WDR7: variants seen among roughly 807,000 people sequenced by gnomAD.
WDR7 encodes WD repeat domain 7.
WDR7 carries 46 observed loss-of-function variants against 169.4 expected under a neutral mutation model. That is an observed-to-expected ratio of 0.27 (90% CI 0.21 to 0.35). The LOEUF (loss-of-function observed/expected upper bound fraction) is 0.35, where lower values mean the gene tolerates loss of function less well. Ranked by LOEUF, WDR7 falls within the 10% of genes least tolerant of loss-of-function variation. The probability of loss-of-function intolerance (pLI) is 1.00; values close to 1 mark genes in which losing one functional copy is unlikely to be tolerated. For missense variants in WDR7, 1,534 were observed against 1,859.3 expected, an observed-to-expected ratio of 0.83 and a Z score of 3.22; for synonymous variants, 612 against 666.8, an observed-to-expected ratio of 0.92 and a Z score of 1.27.
intron 14 of WDR7, among the ~76,000 whole-genome samples, chr18:56,752,723 T>A (rs1390885852): frequency 6.6e-6 from 1 of 152,200 alleles, no homozygotes; most frequent in African/African-American, 2.4e-5. Context: ...TGCTTAACTG[T>A]AGTATAGAAA....
intron 26 of WDR7, among the ~76,000 whole-genome samples, chr18:56,994,215 G>A (rs2047862226): frequency 6.6e-6 from 1 of 151,612 alleles, no homozygotes; most frequent in Admixed American, 6.6e-5. Context: ...GTAGAGATGG[G>A]GTTTCTCCAT....
chr18:56,982,967 T>G (rs761179988), intron 26 of WDR7, among the ~76,000 whole-genome samples: 3 of 152,184 alleles, frequency 2.0e-5, no homozygotes, highest in Non-Finnish European at 4.4e-5. Context: ...AATAGGCAAA[T>G]CAACCAGCTG....
In WDR7 at chr18:56,731,591, T is replaced by C. The variant is rs749150553; in HGVS notation, c.1983T>C (p.Ser661=). The change falls in exon 14 of 28, where the codon TCT becomes TCC. Residue 661 remains serine (S), a synonymous_variant. Transcript: ENST00000254442. ...CTAACCTCTTGGCTTCTGAGGCATC[T>C]GACAAGGTAAGTTTTATATGTGGGC... is the stretch of plus-strand genomic sequence containing the variant. The part of the protein sequence containing the change: ...LATNLLASEA[S]DKGNLPKYSH... 3 of 1,613,770 alleles carry C rather than the reference T, an allele frequency of 1.9e-6. No individual in the cohort carries two copies. In the Admixed American group the frequency reaches 5.0e-5, roughly 27 times the overall value.
chr18:56,678,129 T>C (rs571089741), intron 2 of WDR7, among the ~76,000 whole-genome samples: 41 of 152,348 alleles, frequency 2.7e-4, no homozygotes, highest in African/African-American at 9.6e-4. Context: ...TATTTCAGTC[T>C]CTTAAATTTG....
intron 26 of WDR7, among the ~76,000 whole-genome samples, chr18:56,964,344 C>A (rs1443666599): frequency 6.6e-6 from 1 of 151,516 alleles, no homozygotes; most frequent in Non-Finnish European, 1.5e-5. Context: ...TTATGTATAT[C>A]ATTTTAGTAT....
chr18:56,855,574 C>A lies in WDR7; in HGVS notation c.3305-24370C>A, dbSNP rs758272809. ...TGTGTATGGTGTAGAATTCCAATTTCATTTTGATTCATATAAATAAACATT... is the reference window on the plus strand; with the variant it reads ...TGTGTATGGTGTAGAATTCCAATTTAATTTTGATTCATATAAATAAACATT... On this transcript the variant is annotated intron_variant, in intron 20 of 27. Coordinates refer to ENST00000254442, the MANE Select transcript of WDR7 (RefSeq NM_015285.3). Among the ~76,000 whole-genome samples the A allele has an allele frequency of 5.3e-4, 80 of 152,228 alleles. No individual in the cohort carries two copies. In the Middle Eastern group the frequency reaches 0.01, roughly 19 times the overall value.
intron 14 of WDR7, among the ~76,000 whole-genome samples, chr18:56,752,725 G>A (rs1448715389): frequency 6.6e-6 from 1 of 152,138 alleles, no homozygotes; most frequent in Non-Finnish European, 1.5e-5. Context: ...CTTAACTGTA[G>A]TATAGAAATA....
chr18:56,825,508 A>G (rs2045185603), intron 20 of WDR7, among the ~76,000 whole-genome samples: 1 of 152,218 alleles, frequency 6.6e-6, no homozygotes, highest in Non-Finnish European at 1.5e-5. Flanking sequence ...GGAGAAGAAA[A>G]TGAGGCACAG....
chr18:56,958,562 A>G (rs1049947660), intron 25 of WDR7, among the ~76,000 whole-genome samples: 4 of 152,164 alleles, frequency 2.6e-5, no homozygotes, highest in African/African-American at 7.2e-5. Flanking sequence ...AGCTCATGCA[A>G]TCTTTTCTAA....
rs546678344 is a variant in WDR7, at chr18:56,785,862, C to T, written c.3190+4206C>T. On this transcript the variant is annotated intron_variant, in intron 19 of 27. Coordinates refer to ENST00000254442, the MANE Select transcript of WDR7 (RefSeq NM_015285.3). ...TTTTTTTTTTAAAGAGACAGGGTCTCGCTGTGTTGTCCTGGCTGGACTTGA... is the reference window on the plus strand; with the variant it reads ...TTTTTTTTTTAAAGAGACAGGGTCTTGCTGTGTTGTCCTGGCTGGACTTGA... 2.2e-4 allele frequency among the ~76,000 whole-genome samples: 32 copies of T among 146,266 alleles called. No homozygotes were observed. The South Asian group carries it at 4.3e-3, about 20-fold the overall frequency.
intron 5 of WDR7, among the ~76,000 whole-genome samples, chr18:56,684,959 G>T (rs1598960007): frequency 6.6e-6 from 1 of 152,226 alleles, no homozygotes; most frequent in East Asian, 1.9e-4. Context: ...TAGTTACAAT[G>T]AATCTTTTAT....
intron 25 of WDR7, among the ~76,000 whole-genome samples, chr18:56,953,616 CAGAG>C (rs1485485064): frequency 4.4e-4 from 67 of 152,358 alleles, no homozygotes; most frequent in African/African-American, 1.5e-3. Flanking sequence ...TTGGCAGAGA[CAGAG>C]AGATCAATCA....
intron 11 of WDR7, among the ~76,000 whole-genome samples, chr18:56,695,601 G>A (rs768826940): frequency 1.3e-5 from 2 of 149,510 alleles, no homozygotes; most frequent in Non-Finnish European, 3.0e-5. Flanking sequence ...GCAGTGGCAT[G>A]ATCTCGGCTC....
intron 21 of WDR7, among the ~76,000 whole-genome samples, chr18:56,899,006 G>T (rs971668278): frequency 6.6e-6 from 1 of 152,042 alleles, no homozygotes; most frequent in South Asian, 2.1e-4. Context: ...CTAGGTAGCA[G>T]AATAAAGATA....
intron 26 of WDR7, among the ~76,000 whole-genome samples, chr18:57,016,107 C>T (rs877057): frequency 6.6e-6 from 1 of 152,106 alleles, no homozygotes; most frequent in Non-Finnish European, 1.5e-5. Flanking sequence ...GGACGTATTT[C>T]GGCTCAGCAG....
intron 20 of WDR7, among the ~76,000 whole-genome samples, chr18:56,826,666 G>C (rs2045209539): frequency 6.6e-6 from 1 of 152,144 alleles, no homozygotes; most frequent in Admixed American, 6.5e-5. Context: ...AATATTGAGA[G>C]TATTTTCTCA....
chr18:56,666,086 C>T (rs756335675), intron 1 of WDR7, among the ~76,000 whole-genome samples: 1 of 151,792 alleles, frequency 6.6e-6, no homozygotes, highest in Non-Finnish European at 1.5e-5. Context: ...GTGCTGACAA[C>T]CTGGGCTTGT....
intron 13 of WDR7, 49 bp from the exon 14 acceptor site, chr18:56,731,334 C>A (rs757911441): frequency 6.3e-7 from 1 of 1,575,728 alleles, no homozygotes; most frequent in Non-Finnish European, 8.7e-7. Flanking sequence ...TTAAACTATT[C>A]AAAATGTTGT....
chr18:56,915,136 G>A (rs2046608177), intron 21 of WDR7, among the ~76,000 whole-genome samples: 1 of 152,102 alleles, frequency 6.6e-6, no homozygotes, highest in South Asian at 2.1e-4. Flanking sequence ...TAAAAAGTTT[G>A]AAAACAATTT....
Sources: allele counts gnomAD v4.1 joint callset (sites outside exome capture counted in the v4.1 genomes callset), GRCh38; gene constraint gnomAD v4.1.1; transcripts MANE v1.5; gene names NCBI Gene and HGNC (gene_info 2026-07-23, HGNC 2026-07-21).